Variants in BLTP1 observed in about 807,000 individuals in gnomAD.
BLTP1 encodes bridge-like lipid transfer protein family member 1.
the BLTP1 span, chr4:122,344,337 T>C: frequency 1.3e-6 from 2 of 1,596,796 alleles, no homozygotes; most frequent in South Asian, 1.1e-5. Context: ...TGTGTATATA[T>C]GTATATATAG....
the BLTP1 span, chr4:122,174,427 A>C: frequency 7.2e-7 from 1 of 1,391,384 alleles, no homozygotes; most frequent in Non-Finnish European, 9.4e-7. Context: ...AATGATGGAA[A>C]ATCAGTAAGG....
the BLTP1 span, among the ~76,000 whole-genome samples, chr4:122,300,307 C>G: frequency 5.3e-5 from 8 of 152,148 alleles, no homozygotes; most frequent in Non-Finnish European, 1.0e-4. Flanking sequence ...CCGTGCCTGG[C>G]CCAAATATAT....
At chr4:122,304,964 G>T in the BLTP1 span, 1 of 1,613,764 alleles carries the variant, frequency 6.2e-7, no homozygotes, top group South Asian at 1.1e-5. Flanking sequence ...CTGGCATTAG[G>T]ACAAATTGTC....
the BLTP1 span, chr4:122,172,928 A>ATC: frequency 1.3e-6 from 2 of 1,569,324 alleles, no homozygotes; most frequent in Non-Finnish European, 1.7e-6. Flanking sequence ...AAAGCTGGAT[A>ATC]AAGTATAATC....
At chr4:122,324,644 A>T in the BLTP1 span, 1 of 835,764 alleles carries the variant, frequency 1.2e-6, no homozygotes, top group Non-Finnish European at 1.8e-6. Context: ...ACAAAAATTA[A>T]TTTTATTAGT....
chr4:122,192,806 A>G, the BLTP1 span, among the ~76,000 whole-genome samples: 2 of 152,212 alleles, frequency 1.3e-5, no homozygotes, highest in Admixed American at 6.5e-5. Context: ...TAGGTGCTAT[A>G]ATAAAGGTAA....
the BLTP1 span, chr4:122,175,788 A>C: frequency 8.7e-7 from 1 of 1,148,718 alleles, no homozygotes; most frequent in Non-Finnish European, 1.3e-6. Flanking sequence ...TTTTGGAATA[A>C]CTAAGAAATG....
At chr4:122,318,228 T>C in the BLTP1 span, 2 of 1,612,222 alleles carry the variant, frequency 1.2e-6, 1 homozygote, top group South Asian at 2.2e-5. Context: ...TGAATGACAT[T>C]AGAAGAGATG....
At chr4:122,163,662 CTA>C in the BLTP1 span, among the ~76,000 whole-genome samples, 3 of 152,198 alleles carry the variant, frequency 2.0e-5, no homozygotes, top group African/African-American at 7.2e-5. Flanking sequence ...CACTATAACT[CTA>C]TGAGATAGGT....
At chr4:122,201,378 G>C in the BLTP1 span, among the ~76,000 whole-genome samples, 3 of 152,162 alleles carry the variant, frequency 2.0e-5, no homozygotes, top group Non-Finnish European at 4.4e-5. Context: ...TTAGGCTGCT[G>C]CTTTGTATCA....
At chr4:122,209,247 A>G in the BLTP1 span, 3 of 1,613,266 alleles carry the variant, frequency 1.9e-6, no homozygotes, top group African/African-American at 2.7e-5. Context: ...TGCCATCCAA[A>G]TAAGATGATT....
chr4:122,162,504 A>G, the BLTP1 span: 1 of 985,372 alleles, frequency 1.0e-6, no homozygotes, highest in Non-Finnish European at 1.2e-6. Flanking sequence ...ATTGTAATCA[A>G]CCAGTTCTTT....
At chr4:122,234,750 G>A in the BLTP1 span, 1 of 1,532,074 alleles carries the variant, frequency 6.5e-7, no homozygotes, top group Non-Finnish European at 8.8e-7. Flanking sequence ...GTTGTTTTTT[G>A]TTTTCTTTTG....
At chr4:122,356,803 C>T in the BLTP1 span, 3 of 1,580,676 alleles carry the variant, frequency 1.9e-6, no homozygotes, top group Non-Finnish European at 2.6e-6. Flanking sequence ...TGGCAGCTGT[C>T]AATGCCATTT....
At chr4:122,336,581 G>T in the BLTP1 span, 1 of 794,690 alleles carries the variant, frequency 1.3e-6, no homozygotes, top group Non-Finnish European at 1.4e-6. Flanking sequence ...CCTAGTTAAT[G>T]ACAAAATTAA....
the BLTP1 span, chr4:122,246,103 T>G: frequency 1.8e-5 from 27 of 1,510,312 alleles, no homozygotes; most frequent in Middle Eastern, 1.8e-4. Flanking sequence ...GTGGATGATG[T>G]GGAAGTTATG....
At chr4:122,226,695 G>T in the BLTP1 span, 1 of 1,612,878 alleles carries the variant, frequency 6.2e-7, no homozygotes, top group Admixed American at 1.7e-5. Context: ...ACTTGTCACT[G>T]ATTATCTGTA....
At chr4:122,269,466 T>C in the BLTP1 span, 6 of 985,166 alleles carry the variant, frequency 6.1e-6, no homozygotes, top group Non-Finnish European at 7.2e-6. Flanking sequence ...TTAATTTTTC[T>C]ACTAACGCGC....
the BLTP1 span, among the ~76,000 whole-genome samples, chr4:122,311,943 G>A: frequency 6.6e-6 from 1 of 151,722 alleles, no homozygotes; most frequent in African/African-American, 2.4e-5. Context: ...TCATTTTCAG[G>A]ATTCAGATCT....
Sources: gnomAD v4.1 joint callset for allele counts (sites outside exome capture counted in the v4.1 genomes callset) on GRCh38, gnomAD v4.1.1 for gene constraint, MANE v1.5 for transcripts, NCBI Gene and HGNC (gene_info 2026-07-23, HGNC 2026-07-21) for gene names.